Variants in XYLT1 observed in about 807,000 individuals in gnomAD.
The protein encoded by XYLT1 is xylosyltransferase 1.
A neutral mutation model predicts 91.3 loss-of-function variants in XYLT1; 36 were observed. That is an observed-to-expected ratio of 0.39 (90% confidence interval 0.30 to 0.52). The LOEUF (loss-of-function observed/expected upper bound fraction) is 0.52. XYLT1 is among the 20% of genes least tolerant of loss of function. The pLI, the probability that XYLT1 is intolerant of heterozygous loss-of-function variation, is 0.68. For synonymous variants in XYLT1, 588 were observed against 532.0 expected (o/e 1.11, Z -1.45); for missense variants, 1,242 against 1,284.5 (o/e 0.97, Z 0.51).
intron 3 of XYLT1, among the ~76,000 whole-genome samples, chr16:17,221,028 T>A (rs570526722): frequency 1.6e-3 from 240 of 152,296 alleles, no homozygotes; most frequent in African/African-American, 5.6e-3. Context: ...GAGTGAGTGA[T>A]CCAGACACTC....
At chr16:17,124,460 G>A (rs2030188588) in intron 10 of XYLT1, among the ~76,000 whole-genome samples, 2 of 152,176 alleles carry the variant, frequency 1.3e-5, no homozygotes, top group Admixed American at 6.5e-5. Flanking sequence ...GGCTTGTAGT[G>A]TTTCTGCTGT....
At chr16:17,210,310 C>A (rs1029042963) in intron 3 of XYLT1, among the ~76,000 whole-genome samples, 1 of 152,080 alleles carries the variant, frequency 6.6e-6, no homozygotes, top group Non-Finnish European at 1.5e-5. Context: ...CCAGCCTGAC[C>A]AACATGGTGA....
At chr16:17,309,280 T>TA (rs981433477) in intron 2 of XYLT1, among the ~76,000 whole-genome samples, 1 of 152,080 alleles carries the variant, frequency 6.6e-6, no homozygotes, top group Admixed American at 6.6e-5. Flanking sequence ...TTGTAACAAC[T>TA]AAAAAAATGT....
At chr16:17,370,479 G>C (rs1261741381) in intron 1 of XYLT1, among the ~76,000 whole-genome samples, 1 of 152,192 alleles carries the variant, frequency 6.6e-6, no homozygotes, top group African/African-American at 2.4e-5. Context: ...TCTGCGGGGA[G>C]GGCAGGATGA....
At chr16:17,253,182 G>A (rs2033569908) in intron 3 of XYLT1, among the ~76,000 whole-genome samples, 1 of 152,176 alleles carries the variant, frequency 6.6e-6, no homozygotes, top group Non-Finnish European at 1.5e-5. Flanking sequence ...AAGCCGTTTT[G>A]TTCCATGGGA....
rs1157754251 is a variant in XYLT1, at chr16:17,117,974, G to A, written c.2229C>T (p.Gly743=). The A allele has an allele frequency of 1.9e-6, 3 of 1,608,030 alleles. No homozygotes were observed. The highest frequency in any genetic ancestry group is 1.7e-5 in the Admixed American group (1 of 59,866). ...DFGRLQFSEV[G]TDWDAKERLF... ...GCCTCTCCTTGGCATCCCAGTCAGTGCCGACCTGAAACAGGGGAGTGAATT... is the reference window on the plus strand; with the variant it reads ...GCCTCTCCTTGGCATCCCAGTCAGTACCGACCTGAAACAGGGGAGTGAATT... The change falls in exon 11 of 12, where the codon GGC becomes GGT. Residue 743 remains glycine, a synonymous_variant. Coordinates refer to ENST00000261381, the MANE Select transcript of XYLT1 (RefSeq NM_022166.4).
chr16:17,364,509 C>G (rs2035424207), intron 1 of XYLT1, among the ~76,000 whole-genome samples: 1 of 152,188 alleles, frequency 6.6e-6, no homozygotes, highest in South Asian at 2.1e-4. Context: ...CTTACAAAGG[C>G]TGAGACATAT....
At chr16:17,336,833 T>G (rs2034986300) in intron 2 of XYLT1, among the ~76,000 whole-genome samples, 1 of 152,152 alleles carries the variant, frequency 6.6e-6, no homozygotes, top group Admixed American at 6.5e-5. Flanking sequence ...GAAACCCTGA[T>G]CGTGTCAAGC....
At chr16:17,340,718 A>G (rs1236705669) in intron 2 of XYLT1, among the ~76,000 whole-genome samples, 1 of 152,206 alleles carries the variant, frequency 6.6e-6, no homozygotes, top group African/African-American at 2.4e-5. Context: ...GGGGAGATTA[A>G]AGAGAATCTT....
intron 1 of XYLT1, among the ~76,000 whole-genome samples, chr16:17,367,512 A>G (rs1320802293): frequency 4.6e-5 from 7 of 152,294 alleles, no homozygotes; most frequent in Middle Eastern, 3.4e-3. Context: ...CCCAACTGGA[A>G]CCAATACTGC....
chr16:17,274,424 A>T (rs1051308653), intron 2 of XYLT1, among the ~76,000 whole-genome samples: 8 of 152,148 alleles, frequency 5.3e-5, no homozygotes, highest in African/African-American at 1.9e-4. Flanking sequence ...TTCATTCCAC[A>T]TATGTTATTT....
intron 3 of XYLT1, among the ~76,000 whole-genome samples, chr16:17,226,380 T>C (rs1341706270): frequency 6.6e-6 from 1 of 152,234 alleles, no homozygotes; most frequent in Non-Finnish European, 1.5e-5. Context: ...ATGGGCTGGA[T>C]AACTCTCTAT....
intron 5 of XYLT1, among the ~76,000 whole-genome samples, chr16:17,190,415 G>T (rs1368194598): frequency 6.6e-6 from 1 of 151,656 alleles, no homozygotes; most frequent in Non-Finnish European, 1.5e-5. Context: ...AATTACATTA[G>T]GTATATCTCC....
intron 3 of XYLT1, among the ~76,000 whole-genome samples, chr16:17,210,576 TA>T (rs200790607): frequency 0.047 from 7,138 of 150,638 alleles, 239 homozygotes; most frequent in Middle Eastern, 0.1. Context: ...GACTCCATCT[TA>T]AAAAAAAAAT....
At chr16:17,191,753 C>A (rs1188210214) in intron 5 of XYLT1, among the ~76,000 whole-genome samples, 1 of 152,228 alleles carries the variant, frequency 6.6e-6, no homozygotes, top group African/African-American at 2.4e-5. Context: ...CTCTCATGTT[C>A]TCAGCCTGCG....
chr16:17,377,965 G>C (rs2035624273), intron 1 of XYLT1, among the ~76,000 whole-genome samples: 1 of 152,218 alleles, frequency 6.6e-6, no homozygotes, highest in South Asian at 2.1e-4. Context: ...CTGAGGCTTT[G>C]GAGGACAAAG....
intron 2 of XYLT1, among the ~76,000 whole-genome samples, chr16:17,299,220 T>C (rs2141808983): frequency 6.6e-6 from 1 of 152,276 alleles, no homozygotes; most frequent in Middle Eastern, 3.4e-3. Context: ...GAAATGCACG[T>C]GGTTAACCCA....
chr16:17,110,476 C>A (rs1486648811), intron 11 of XYLT1, among the ~76,000 whole-genome samples: 1 of 152,134 alleles, frequency 6.6e-6, no homozygotes, highest in African/African-American at 2.4e-5. Context: ...GGCGCTCTGG[C>A]CTGCCACCGT....
At chr16:17,179,978 C>T (rs950886806) in intron 5 of XYLT1, among the ~76,000 whole-genome samples, 11 of 152,228 alleles carry the variant, frequency 7.2e-5, no homozygotes, top group African/African-American at 2.7e-4. Context: ...TGGGTTTAAG[C>T]TCCACTGAGC....
Sources: allele counts gnomAD v4.1 joint callset (sites outside exome capture counted in the v4.1 genomes callset), GRCh38; gene constraint gnomAD v4.1.1; transcripts MANE v1.5; gene names NCBI Gene and HGNC (gene_info 2026-07-23, HGNC 2026-07-21).